The following NLRC4 variants were observed in gnomAD, a reference collection of about 807,000 sequenced individuals.
The protein encoded by NLRC4 is NLR family CARD domain-containing protein 4.
A neutral mutation model predicts 79.9 loss-of-function variants in NLRC4; 63 were observed. The ratio of observed to expected loss-of-function variants is 0.79; its 90% confidence interval spans 0.64 to 0.97. The LOEUF is 0.97. NLRC4 is among the 50% of genes least tolerant of loss of function. The probability of loss-of-function intolerance (pLI) is 0.00; values close to 1 mark genes in which losing one functional copy is unlikely to be tolerated. For missense variants in NLRC4, 1,074 were observed against 1,215.2 expected (o/e 0.88, Z 1.73); for synonymous variants, 461 against 456.5 (o/e 1.01, Z -0.12).
chr2:32,244,882 G>A (rs186019466), intron 4 of NLRC4, among the ~76,000 whole-genome samples: 3 of 150,720 alleles, frequency 2.0e-5, no homozygotes, highest in East Asian at 1.9e-4. Flanking sequence ...GGAAGGGAGA[G>A]GAAGAAGGAG....
intron 6 of NLRC4, among the ~76,000 whole-genome samples, 179 bp downstream of exon 6, chr2:32,237,953 G>C (rs757169101): frequency 2.6e-5 from 4 of 152,014 alleles, no homozygotes; most frequent in Non-Finnish European, 5.9e-5. Flanking sequence ...ATCAATAGTT[G>C]ATTTAATTCT....
At chr2:32,243,631 C>G (rs1028678561) in intron 4 of NLRC4, among the ~76,000 whole-genome samples, 2 of 150,726 alleles carry the variant, frequency 1.3e-5, no homozygotes, top group African/African-American at 4.9e-5. Context: ...GAAACCCTGT[C>G]TCTACTAAAA....
chr2:32,263,567 G>A (rs1687400448), intron 1 of NLRC4, among the ~76,000 whole-genome samples: 1 of 152,180 alleles, frequency 6.6e-6, no homozygotes, highest in Non-Finnish European at 1.5e-5. Flanking sequence ...TTTGCAGACA[G>A]AGCCTTTAAA....
rs184113552 is a variant in NLRC4, at chr2:32,260,049, C to T, written c.-118-3156G>A. Among the ~76,000 whole-genome samples, 1,025 of 151,664 alleles carry T rather than the reference C, an allele frequency of 6.8e-3. 16 individuals carry two copies. The highest frequency in any genetic ancestry group is 0.024 in the African/African-American group (982 of 41,390). The stretch of plus-strand genomic sequence containing the variant: ...TTCAAGACCAGCCTGGCCAACATGG[C>T]GAAACCCTGTCTCTACTAAAAATAC... On this transcript the variant is annotated intron_variant, in intron 1 of 8. Coordinates refer to ENST00000402280, the MANE Select transcript of NLRC4 (RefSeq NM_001199138.2).
At chr2:32,254,729 C>T (rs1379927974) in intron 2 of NLRC4, among the ~76,000 whole-genome samples, 2 of 151,148 alleles carry the variant, frequency 1.3e-5, no homozygotes, top group Non-Finnish European at 2.9e-5. Flanking sequence ...AGCAATTCCC[C>T]TGCCTCGGCC....
intron 8 of NLRC4, 107 bp downstream of exon 8, chr2:32,235,294 A>G (rs1686645901): frequency 3.8e-6 from 3 of 787,878 alleles, no homozygotes; most frequent in Non-Finnish European, 6.4e-6. Context: ...TATATTTTAA[A>G]AAAAAGAGGA....
intron 4 of NLRC4, among the ~76,000 whole-genome samples, chr2:32,246,225 G>T (rs1030886801): frequency 6.6e-6 from 1 of 151,994 alleles, no homozygotes; most frequent in Non-Finnish European, 1.5e-5. Flanking sequence ...TTTTTTAAAT[G>T]GCAAACATTA....
chr2:32,256,945 C>A, intron 1 of NLRC4, 52 bp from the exon 2 acceptor site: 1 of 564,286 alleles, frequency 1.8e-6, no homozygotes, highest in Admixed American at 3.0e-5. Flanking sequence ...GGGGCTGATG[C>A]AATTATCTAG....
chr2:32,253,157 AT>A (rs1395064864), intron 2 of NLRC4, among the ~76,000 whole-genome samples: 3 of 151,236 alleles, frequency 2.0e-5, no homozygotes, highest in Non-Finnish European at 4.4e-5. Flanking sequence ...TCTGCCAAGC[AT>A]TTTTTTTCTG....
At chr2:32,243,625 C>T (rs370236643) in intron 4 of NLRC4, among the ~76,000 whole-genome samples, 1 of 150,144 alleles carries the variant, frequency 6.7e-6, no homozygotes. Context: ...CATGGTGAAA[C>T]CCTGTCTCTA....
rs1220734904 is a variant in NLRC4, at chr2:32,224,744, GGGTTCTTTCC to G, written c.2794_2803del (p.Gly932LeufsTer2). 6.3e-7 allele frequency: 1 copy of G among 1,582,516 alleles called. No individual in the cohort carries two copies. The highest frequency in any genetic ancestry group is 1.9e-5 in the Admixed American group (1 of 54,006). On this transcript the variant is annotated frameshift_variant, in exon 9 of 9. Transcript: ENST00000402280. LOFTEE classifies it high-confidence loss of function. ...ATTCAACTGCTGGAAGTTTTTCAGA[GGGTTCTTTCC>G]AAAAAATGCACCTGGGTAAAGAAAT... is the stretch of plus-strand genomic sequence containing the variant.
intron 8 of NLRC4, among the ~76,000 whole-genome samples, chr2:32,230,208 T>C (rs1686497842): frequency 6.6e-6 from 1 of 152,124 alleles, no homozygotes; most frequent in Non-Finnish European, 1.5e-5. Flanking sequence ...AGTCACATCC[T>C]CTGTGAAATA....
At chr2:32,261,804 C>T (rs901257492) in intron 1 of NLRC4, among the ~76,000 whole-genome samples, 2 of 151,852 alleles carry the variant, frequency 1.3e-5, no homozygotes, top group African/African-American at 4.8e-5. Flanking sequence ...TTGGAGCAGC[C>T]AGGCGCGGTG....
chr2:32,235,536 C>T lies in NLRC4; in HGVS notation c.2647G>A (p.Ala883Thr), dbSNP rs780229500. 1.0e-4 allele frequency: 163 copies of T among 1,614,158 alleles called. No homozygotes were observed. Among genetic ancestry groups the T allele is most frequent in the Non-Finnish European group, 1.2e-4 (147 of 1,179,992 alleles). The change falls in exon 8 of 9, where the codon GCA becomes ACA. Residue 883 changes from alanine to threonine, a missense_variant. Coordinates refer to ENST00000402280, the MANE Select transcript of NLRC4 (RefSeq NM_001199138.2). The stretch of plus-strand genomic sequence containing the variant: ...TCACAGCCCCAGGGCAGCATCAGTG[C>T]GGTGAGCTGTTCTAGCACGTTCATC... ...DRMNVLEQLT[A>T]LMLPWGCDVQ...
chr2:32,224,650 T>C lies in NLRC4; in HGVS notation c.2898A>G (p.Gln966=). ...AFMGVFENLK[Q]LVFFDFSTKE... ...TAGTACTAAAGTCAAAAAACACTAATTGCTTAAGATTCTCAAATACACCCA... is the reference window on the plus strand; with the variant it reads ...TAGTACTAAAGTCAAAAAACACTAACTGCTTAAGATTCTCAAATACACCCA... Residue 966 remains glutamine, a synonymous_variant, in exon 9 of 9, where the codon CAA becomes CAG. Transcript: ENST00000402280. 5 of 1,613,484 alleles carry C rather than the reference T, an allele frequency of 3.1e-6. No homozygotes were observed. The highest frequency in any genetic ancestry group is 4.2e-6 in the Non-Finnish European group (5 of 1,179,512).
chr2:32,233,351 T>TATATA (rs1448102690), intron 8 of NLRC4, among the ~76,000 whole-genome samples: 28 of 22,592 alleles, frequency 1.2e-3, no homozygotes, highest in African/African-American at 2.9e-3. Context: ...ATATATATAT[T>TATATA]TTTTTTTTTT....
At chr2:32,238,491 G>T (rs1686722435) in intron 5 of NLRC4, among the ~76,000 whole-genome samples, 189 bp from the exon 6 acceptor site, 1 of 152,046 alleles carries the variant, frequency 6.6e-6, no homozygotes, top group African/African-American at 2.4e-5. Context: ...CAGTCTCTTG[G>T]ACCACACAAA....
intron 2 of NLRC4, among the ~76,000 whole-genome samples, 195 bp from the exon 3 acceptor site, chr2:32,252,874 C>T (rs1025366691): frequency 7.9e-5 from 12 of 151,970 alleles, no homozygotes; most frequent in Admixed American, 3.9e-4. Flanking sequence ...AAAAATTAGC[C>T]GGGCGTGGTG....
intron 4 of NLRC4, among the ~76,000 whole-genome samples, chr2:32,243,196 G>A (rs1686846945): frequency 6.6e-6 from 1 of 152,040 alleles, no homozygotes; most frequent in Non-Finnish European, 1.5e-5. Context: ...AAATCACGAG[G>A]TCAGGAGTTT....
Sources: allele counts gnomAD v4.1 joint callset (sites outside exome capture counted in the v4.1 genomes callset), GRCh38; gene constraint gnomAD v4.1.1; transcripts MANE v1.5; gene names NCBI Gene and HGNC (gene_info 2026-07-23, HGNC 2026-07-21).